Variants in KCTD16 observed in about 807,000 individuals in gnomAD.
KCTD16 encodes BTB/POZ domain-containing protein KCTD16.
In KCTD16, 13 loss-of-function variants were observed where a neutral mutation model predicts 33.2. The observed-to-expected ratio is 0.39, with a 90% CI of 0.25 to 0.62. The LOEUF (loss-of-function observed/expected upper bound fraction) is 0.62, where lower values mean the gene tolerates loss of function less well. KCTD16 is among the 20% of genes least tolerant of loss of function. The pLI is 0.50. For missense variants in KCTD16, 441 were observed against 525.1 expected, an observed-to-expected ratio of 0.84 and a Z score of 1.57; for synonymous variants, 197 against 195.3, an observed-to-expected ratio of 1.01 and a Z score of -0.07.
intron 2 of KCTD16, among the ~76,000 whole-genome samples, chr5:144,185,544 T>C (rs1017081101): frequency 4.6e-4 from 70 of 152,242 alleles, no homozygotes; most frequent in African/African-American, 1.6e-3. Context: ...GCAGGGAGTA[T>C]AAAATGCTGT....
At chr5:144,370,415 A>C (rs1414873818) in intron 3 of KCTD16, among the ~76,000 whole-genome samples, 1 of 152,222 alleles carries the variant, frequency 6.6e-6, no homozygotes, top group African/African-American at 2.4e-5. Context: ...GCCTGAAAGC[A>C]GACTGTGCAC....
intron 3 of KCTD16, among the ~76,000 whole-genome samples, chr5:144,243,775 C>T (rs531099042): frequency 6.6e-6 from 1 of 152,046 alleles, no homozygotes; most frequent in East Asian, 1.9e-4. Context: ...GAGAGAGTCT[C>T]GTTCTGTCAC....
chr5:144,474,251 C>A lies in KCTD16; in HGVS notation c.*137C>A. 1.5e-6 allele frequency: 1 copy of A among 669,792 alleles called. No homozygotes were observed. Among genetic ancestry groups the A allele is most frequent in the Non-Finnish European group, 2.5e-6 (1 of 400,824 alleles). The allele number at this position is 669,792 out of a possible 1,614,324, so 41.5% of individuals were successfully genotyped here. On this transcript the variant is annotated 3_prime_UTR_variant, in exon 4 of 4. Coordinates refer to ENST00000512467, the MANE Select transcript of KCTD16 (RefSeq NM_020768.4). The stretch of plus-strand genomic sequence containing the variant: ...AACACAATAGTCCATTGATATACTA[C>A]TGCCTACTTTACCTAGTTCACCTTA...
intron 3 of KCTD16, among the ~76,000 whole-genome samples, chr5:144,377,089 C>T (rs1045913717): frequency 2.6e-5 from 4 of 152,162 alleles, no homozygotes; most frequent in African/African-American, 9.7e-5. Flanking sequence ...TCATTTCCTA[C>T]CCCATTTCCT....
At chr5:144,391,198 T>G (rs1263036948) in intron 3 of KCTD16, among the ~76,000 whole-genome samples, 5 of 152,368 alleles carry the variant, frequency 3.3e-5, no homozygotes, top group Non-Finnish European at 7.3e-5. Flanking sequence ...TGAATAAATG[T>G]GTTCATAGCT....
chr5:144,322,167 C>T (rs368507962), intron 3 of KCTD16, among the ~76,000 whole-genome samples: 56 of 152,140 alleles, frequency 3.7e-4, no homozygotes, highest in African/African-American at 1.2e-3. Context: ...CATAGTTCCT[C>T]ACCTGCTCCT....
intron 3 of KCTD16, among the ~76,000 whole-genome samples, chr5:144,292,708 A>G (rs1755927780): frequency 6.6e-6 from 1 of 152,222 alleles, no homozygotes; most frequent in African/African-American, 2.4e-5. Context: ...TGGTTTATCA[A>G]TGGAAAGAGC....
intron 3 of KCTD16, among the ~76,000 whole-genome samples, chr5:144,299,127 TATATATATATATATA>T (rs1561558648): frequency 2.3e-4 from 6 of 26,192 alleles, no homozygotes; most frequent in African/African-American, 1.7e-3. Flanking sequence ...TATATATATA[TATATATATATATATA>T]TATATATTTT....
At position 144,483,055 on chromosome 5, in the gene KCTD16, A is replaced by G. The variant is rs1324503520; in HGVS notation, c.*8941A>G. ...AAACCAAAAAAAGTGCATTTAAGGA[A>G]ACACCAAACTTGTAAAAACTGGCTC... On this transcript the variant is annotated 3_prime_UTR_variant, in exon 4 of 4. Coordinates refer to ENST00000512467, the MANE Select transcript of KCTD16 (RefSeq NM_020768.4). 6.6e-6 allele frequency: 1 copy of G among 151,484 alleles called. No individual in the cohort carries two copies. Among genetic ancestry groups the G allele is most frequent in the African/African-American group, 2.4e-5 (1 of 41,312 alleles). 9.4% of individuals were successfully genotyped at this position (151,484 alleles called of 1,614,324 possible).
At chr5:144,472,905 G>T (rs1358182910) in intron 3 of KCTD16, among the ~76,000 whole-genome samples, 1 of 152,214 alleles carries the variant, frequency 6.6e-6, no homozygotes, top group Non-Finnish European at 1.5e-5. Flanking sequence ...GAATAAAATG[G>T]TTAATTGGCA....
At chr5:144,431,027 A>G (rs1753447573) in intron 3 of KCTD16, among the ~76,000 whole-genome samples, 1 of 152,144 alleles carries the variant, frequency 6.6e-6, no homozygotes, top group African/African-American at 2.4e-5. Flanking sequence ...GACCAAACGT[A>G]TAGCCCCAAG....
chr5:144,375,706 G>T (rs1752075591), intron 3 of KCTD16, among the ~76,000 whole-genome samples: 1 of 152,134 alleles, frequency 6.6e-6, no homozygotes, highest in Non-Finnish European at 1.5e-5. Flanking sequence ...CTTTGCCTTG[G>T]TGTTCCCATT....
chr5:144,177,910 A>G (rs559461188), intron 2 of KCTD16, among the ~76,000 whole-genome samples: 2 of 152,184 alleles, frequency 1.3e-5, no homozygotes, highest in South Asian at 4.2e-4. Flanking sequence ...AAGAACAATA[A>G]TCTGATTTTT....
chr5:144,204,848 A>G (rs970730807), intron 2 of KCTD16, among the ~76,000 whole-genome samples: 4 of 151,684 alleles, frequency 2.6e-5, no homozygotes, highest in African/African-American at 9.7e-5. Flanking sequence ...AAAAAGGGAG[A>G]ATTTGAGTGA....
At chr5:144,441,662 C>T (rs1187000209) in intron 3 of KCTD16, among the ~76,000 whole-genome samples, 1 of 151,748 alleles carries the variant, frequency 6.6e-6, no homozygotes, top group African/African-American at 2.4e-5. Context: ...AATTCTCAGT[C>T]GTATTGTATT....
chr5:144,474,432 T>C lies in KCTD16; in HGVS notation c.*318T>C, dbSNP rs1259551304. ...GTAGCTGAGAGGCCTTGGGAGTCAT[T>C]TATCCCAAACTGGGTTTTTTCTCTC... is the stretch of plus-strand genomic sequence containing the variant. On this transcript the variant is annotated 3_prime_UTR_variant, in exon 4 of 4. Transcript: ENST00000512467. 4.6e-6 allele frequency: 1 copy of C among 217,606 alleles called. No homozygotes were observed. Among genetic ancestry groups the C allele is most frequent in the Non-Finnish European group, 9.1e-6 (1 of 109,372 alleles). The allele number at this position is 217,606 out of a possible 1,614,324, so 13.5% of individuals were successfully genotyped here. A position where few individuals can be genotyped will look rare whatever the true frequency, so the allele number is the denominator to read the frequency against.
chr5:144,456,918 C>T (rs878923421), intron 3 of KCTD16, among the ~76,000 whole-genome samples: 2 of 151,860 alleles, frequency 1.3e-5, no homozygotes, highest in Non-Finnish European at 1.5e-5. Flanking sequence ...GTTTTTATTC[C>T]GAAGTAGTAT....
chr5:144,375,884 C>T (rs559673217), intron 3 of KCTD16, among the ~76,000 whole-genome samples: 1 of 152,084 alleles, frequency 6.6e-6, no homozygotes, highest in East Asian at 1.9e-4. Flanking sequence ...GATCTCAGCT[C>T]ACTGCAACCT....
intron 3 of KCTD16, among the ~76,000 whole-genome samples, chr5:144,353,486 C>G (rs1297942818): frequency 6.6e-6 from 1 of 152,106 alleles, no homozygotes; most frequent in Non-Finnish European, 1.5e-5. Flanking sequence ...GCCTCATTAT[C>G]TTTACTTATA....
Sources: allele counts gnomAD v4.1 joint callset (sites outside exome capture counted in the v4.1 genomes callset), GRCh38; gene constraint gnomAD v4.1.1; transcripts MANE v1.5; gene names NCBI Gene and HGNC (gene_info 2026-07-23, HGNC 2026-07-21).